Variants in POLR2B observed in about 807,000 individuals in gnomAD.
POLR2B encodes the protein DNA-directed RNA polymerase II subunit RPB2.
In POLR2B, 57 loss-of-function variants were observed where a neutral mutation model predicts 144.6. That is an observed-to-expected ratio of 0.39 (90% confidence interval 0.32 to 0.49). The LOEUF (loss-of-function observed/expected upper bound fraction) is 0.49. Ranked by LOEUF, POLR2B falls within the 20% of genes least tolerant of loss-of-function variation. POLR2B has a pLI of 0.83. For synonymous variants in POLR2B, 442 were observed against 469.8 expected, an observed-to-expected ratio of 0.94 and a Z score of 0.77; for missense variants, 595 against 1,467.4, an observed-to-expected ratio of 0.41 and a Z score of 9.71.
intron 13 of POLR2B, among the ~76,000 whole-genome samples, chr4:57,012,676 G>C (rs58296080): frequency 0.012 from 1,753 of 152,002 alleles, 31 homozygotes; most frequent in African/African-American, 0.039. Flanking sequence ...ATTGTTGTTG[G>C]GGGGCAGGGA....
intron 13 of POLR2B, among the ~76,000 whole-genome samples, chr4:57,013,862 C>T (rs1294641823): frequency 1.3e-5 from 2 of 150,972 alleles, no homozygotes; most frequent in Non-Finnish European, 2.9e-5. Flanking sequence ...AATGGCATAA[C>T]TTGGGCTGGC....
intron 2 of POLR2B, among the ~76,000 whole-genome samples, chr4:56,988,837 A>C (rs568564237): frequency 1.8e-4 from 27 of 152,338 alleles, no homozygotes; most frequent in Non-Finnish European, 3.7e-4. Context: ...CCTATATTCT[A>C]CATTCTCCCG....
At chr4:57,020,788 A>G (rs1423585845) in intron 16 of POLR2B, 111 bp from the exon 17 acceptor site, 1 of 746,776 alleles carries the variant, frequency 1.3e-6, no homozygotes, top group Non-Finnish European at 2.4e-6. Flanking sequence ...CATGATAACA[A>G]ACACCCAAGC....
rs1488858197 is a variant in POLR2B at position 57,019,593 on chromosome 4, G to A, written c.2324-1306G>A. On this transcript the variant is annotated intron_variant, in intron 16 of 24. Coordinates refer to ENST00000314595, the MANE Select transcript of POLR2B (RefSeq NM_000938.3). ...TTTTATTTCTCCTCCTGAACCACAT[G>A]AGAGTAAGTTGCAGGCATGAAGCCA... Among the ~76,000 whole-genome samples, 4 of 152,184 alleles carry A rather than the reference G, an allele frequency of 2.6e-5. No homozygotes were observed. In the East Asian group the frequency reaches 7.7e-4, roughly 29 times the overall value.
chr4:57,017,484 T>G lies in POLR2B; in HGVS notation c.2155-76T>G, dbSNP rs1723408260. The G allele has an allele frequency of 3.3e-6, 4 of 1,226,070 alleles. No homozygotes were observed. The South Asian group carries it at 6.0e-5, about 18-fold the overall frequency. 75.9% of individuals were successfully genotyped at this position (1,226,070 alleles called of 1,614,324 possible). ...CAGGAGTTTTACCAATCATATTTCT[T>G]TTGATTTATTGTCAGAGTCTTTTCC... On this transcript the variant is annotated intron_variant, in intron 15 of 24. Coordinates refer to ENST00000314595, the MANE Select transcript of POLR2B (RefSeq NM_000938.3). The surrounding 1 kb of genome is among the most constrained non-coding windows in gnomAD (Gnocchi z 4.8).
At position 57,017,799 on chromosome 4, in the gene POLR2B, G is replaced by C; in HGVS notation, c.2323+71G>C. On this transcript the variant is annotated intron_variant, in intron 16 of 24. Transcript: ENST00000314595. This position sits in a 1 kb window ranked among gnomAD's most constrained non-coding sequence, Gnocchi z 4.8. Reference sequence around the variant, plus strand: ...AAGGCACTTTTCTGGGTGCTTGGGAGGATTAAAAAATAAATATGACATAGT... The same window carrying C: ...AAGGCACTTTTCTGGGTGCTTGGGACGATTAAAAAATAAATATGACATAGT... 1 of 1,069,136 alleles carries C rather than the reference G, an allele frequency of 9.4e-7. No individual in the cohort carries two copies. The allele number at this position is 1,069,136 out of a possible 1,614,324, so 66.2% of individuals were successfully genotyped here. A position where few individuals can be genotyped will look rare whatever the true frequency, so the allele number is the denominator to read the frequency against.
chr4:56,999,801 T>C lies in POLR2B; in HGVS notation c.900+20T>C. On this transcript the variant is annotated intron_variant, in intron 7 of 24. Coordinates refer to ENST00000314595, the MANE Select transcript of POLR2B (RefSeq NM_000938.3). ...GAAATGGTAATGTGAAAGCAAAATG[T>C]ATTCACAGAGCTTTATAAGAGATTT... is the stretch of plus-strand genomic sequence containing the variant. 1 of 1,522,090 alleles carries C rather than the reference T, an allele frequency of 6.6e-7. No individual in the cohort carries two copies. Among genetic ancestry groups the C allele is most frequent in the South Asian group, 1.1e-5 (1 of 88,184 alleles). 94.3% of individuals were successfully genotyped at this position (1,522,090 alleles called of 1,614,324 possible).
intron 1 of POLR2B, among the ~76,000 whole-genome samples, chr4:56,983,578 G>A (rs1385975979): frequency 6.6e-6 from 1 of 151,894 alleles, no homozygotes; most frequent in Non-Finnish European, 1.5e-5. Flanking sequence ...CACCATGCTG[G>A]CCAGGCTGCT....
At chr4:57,021,351 C>T (rs1723542267) in intron 17 of POLR2B, among the ~76,000 whole-genome samples, 1 of 151,990 alleles carries the variant, frequency 6.6e-6, no homozygotes, top group African/African-American at 2.4e-5. Context: ...ACAAACAGAC[C>T]TCAAATTCAA....
chr4:57,024,136 T>C (rs1479694208), intron 21 of POLR2B, 24 bp downstream of exon 21: 10 of 1,226,970 alleles, frequency 8.2e-6, no homozygotes, highest in East Asian at 4.7e-5. Context: ...TTCAAAAATA[T>C]AGATTCTAAG....
At chr4:57,021,144 T>G (rs1723534157) in intron 17 of POLR2B, 149 bp downstream of exon 17, 1 of 625,264 alleles carries the variant, frequency 1.6e-6, no homozygotes, top group South Asian at 1.9e-5. Context: ...AAGATACTAC[T>G]TGTATCTCTC....
chr4:57,023,132 C>A lies in POLR2B; in HGVS notation c.2516-198C>A. The A allele has an allele frequency of 3.8e-6, 2 of 525,754 alleles. No homozygotes were observed. The highest frequency in any genetic ancestry group is 2.9e-5 in the South Asian group (1 of 34,572). The allele number at this position is 525,754 out of a possible 1,614,324, so 32.6% of individuals were successfully genotyped here. A position where few individuals can be genotyped will look rare whatever the true frequency, so the allele number is the denominator to read the frequency against. ...CCAGTGCTGATTCCAATGTTCTTTT[C>A]CTTCATAGACTTTTTTTTTTGTTTT... On this transcript the variant is annotated intron_variant, in intron 18 of 24. Coordinates refer to ENST00000314595, the MANE Select transcript of POLR2B (RefSeq NM_000938.3). This position sits in a 1 kb window ranked among gnomAD's most constrained non-coding sequence, Gnocchi z 4.3.
intron 2 of POLR2B, among the ~76,000 whole-genome samples, chr4:56,989,502 G>A (rs548900478): frequency 1.3e-5 from 2 of 152,354 alleles, no homozygotes; most frequent in South Asian, 2.1e-4. Context: ...ACTGGATCAG[G>A]GTGGGGCCAA....
At chr4:57,025,574 C>T in intron 23 of POLR2B, 37 bp downstream of exon 23, 3 of 1,402,904 alleles carry the variant, frequency 2.1e-6, no homozygotes, top group Middle Eastern at 1.8e-4. Context: ...ATTAATTAAC[C>T]TTATATTATG....
chr4:56,993,780 A>G (rs1026229400), intron 3 of POLR2B, among the ~76,000 whole-genome samples: 9 of 151,738 alleles, frequency 5.9e-5, no homozygotes, highest in African/African-American at 2.2e-4. Context: ...TGTTAACTCT[A>G]CTCCTTTGAC....
chr4:56,981,326 A>T (rs1363477359), intron 1 of POLR2B, among the ~76,000 whole-genome samples: 1 of 151,064 alleles, frequency 6.6e-6, no homozygotes, highest in Non-Finnish European at 1.5e-5. Flanking sequence ...CTTGATGGAT[A>T]TTCGGTTTAT....
chr4:57,002,878 A>T (rs1314334571), intron 7 of POLR2B: 1 of 152,172 alleles, frequency 6.6e-6, no homozygotes, highest in African/African-American at 2.4e-5. Context: ...GACATAGGAA[A>T]TCAAGGGCAA....
At chr4:57,026,267 C>T (rs931169410) in intron 23 of POLR2B, among the ~76,000 whole-genome samples, 13 of 151,712 alleles carry the variant, frequency 8.6e-5, no homozygotes, top group Non-Finnish European at 1.6e-4. Context: ...TTTGTAGAGA[C>T]GGGGGTCTCA....
At chr4:57,013,142 A>G (rs1723247390) in intron 13 of POLR2B, among the ~76,000 whole-genome samples, 1 of 151,788 alleles carries the variant, frequency 6.6e-6, no homozygotes, top group Non-Finnish European at 1.5e-5. Flanking sequence ...CACCTGGCCA[A>G]TTTTTGTATT....
Sources: allele counts gnomAD v4.1 joint callset (sites outside exome capture counted in the v4.1 genomes callset), GRCh38; gene constraint gnomAD v4.1.1; non-coding constraint Gnocchi (gnomAD v3.1); transcripts MANE v1.5; gene names NCBI Gene and HGNC (gene_info 2026-07-23, HGNC 2026-07-21).